The following GRID1 variants were observed in gnomAD, a reference collection of about 807,000 sequenced individuals.
GRID1 encodes glutamate receptor ionotropic, delta-1.
Under a neutral mutation model 98.0 loss-of-function variants are expected in GRID1, and 28 were observed. That is an observed-to-expected ratio of 0.29 (90% CI 0.21 to 0.39). The LOEUF (loss-of-function observed/expected upper bound fraction) is 0.39, where lower values mean the gene tolerates loss of function less well. Among genes scored for constraint, GRID1 ranks in the 10% least tolerant of loss-of-function variants. GRID1 has a pLI of 1.00. For missense variants in GRID1, 1,111 were observed against 1,340.5 expected (o/e 0.83, Z 2.67); for synonymous variants, 553 against 538.5 (o/e 1.03, Z -0.37).
chr10:86,085,639 A>C (rs190190762), intron 4 of GRID1, among the ~76,000 whole-genome samples: 10 of 152,226 alleles, frequency 6.6e-5, no homozygotes, highest in African/African-American at 2.4e-4. Context: ...GTCACAGGGA[A>C]CATCTCCTTT....
intron 8 of GRID1, among the ~76,000 whole-genome samples, chr10:85,787,734 GC>G (rs1428255022): frequency 6.6e-6 from 1 of 152,132 alleles, no homozygotes; most frequent in Non-Finnish European, 1.5e-5. Flanking sequence ...CCATCACCCA[GC>G]CGGCCTAAAT....
intron 8 of GRID1, among the ~76,000 whole-genome samples, chr10:85,804,740 A>T (rs1836125651): frequency 6.6e-6 from 1 of 151,940 alleles, no homozygotes; most frequent in East Asian, 1.9e-4. Context: ...TTACCATAAC[A>T]ATCACAGTAA....
chr10:85,957,841 G>A lies in GRID1; in HGVS notation c.727-41602C>T, dbSNP rs1842214789. Among the ~76,000 whole-genome samples, 3 of 152,320 alleles carry A rather than the reference G, an allele frequency of 2.0e-5. No homozygotes were observed. In the South Asian group the frequency reaches 6.2e-4, roughly 32 times the overall value. ...AAAGCTAGGCTGGGGATGTCTATAT[G>A]CCTGGTCTGGCTCCTCAGGGTGAAC... On this transcript the variant is annotated intron_variant, in intron 4 of 15. Coordinates refer to ENST00000327946, the MANE Select transcript of GRID1 (RefSeq NM_017551.3).
chr10:86,322,394 TTTGTTG>T (rs879420646), intron 2 of GRID1, among the ~76,000 whole-genome samples: 1 of 151,934 alleles, frequency 6.6e-6, no homozygotes, highest in Non-Finnish European at 1.5e-5. Context: ...AGAATTATGT[TTTGTTG>T]TTGTTGTTGT....
At chr10:86,252,899 T>C (rs890498017) in intron 2 of GRID1, among the ~76,000 whole-genome samples, 1 of 152,242 alleles carries the variant, frequency 6.6e-6, no homozygotes. Flanking sequence ...CTTTGCCACA[T>C]CTTTCATCCA....
intron 3 of GRID1, among the ~76,000 whole-genome samples, chr10:86,167,742 G>A (rs1247942170): frequency 6.6e-6 from 1 of 152,238 alleles, no homozygotes; most frequent in Non-Finnish European, 1.5e-5. Flanking sequence ...TAGAGACTCT[G>A]ATGTTAGACA....
At chr10:86,307,346 A>G (rs557942615) in intron 2 of GRID1, among the ~76,000 whole-genome samples, 13 of 152,358 alleles carry the variant, frequency 8.5e-5, no homozygotes, top group African/African-American at 3.1e-4. Flanking sequence ...TACATACACA[A>G]TGGAATTCAG....
In GRID1 at chr10:86,218,610, G is replaced by A. The variant is rs138330462; in HGVS notation, c.236-11962C>T. 5.9e-5 allele frequency among the ~76,000 whole-genome samples: 9 copies of A among 152,300 alleles called. No individual in the cohort carries two copies. In the East Asian group the frequency reaches 1.5e-3, roughly 26 times the overall value. On this transcript the variant is annotated intron_variant, in intron 2 of 15. Transcript: ENST00000327946. ...ATGCTGTGTCCTCATCTCTGCACCT[G>A]CTGTTCCCCTGCCAGAAGCTCACTG... is the stretch of plus-strand genomic sequence containing the variant.
At chr10:86,106,366 G>C (rs78478841) in intron 4 of GRID1, among the ~76,000 whole-genome samples, 5,023 of 152,038 alleles carry the variant, frequency 0.033, 187 homozygotes, top group South Asian at 0.17. Context: ...CAGGATGTTA[G>C]GTCAAAAAAG....
At chr10:86,043,734 AT>A (rs1843380462) in intron 4 of GRID1, among the ~76,000 whole-genome samples, 1 of 152,222 alleles carries the variant, frequency 6.6e-6, no homozygotes, top group Non-Finnish European at 1.5e-5. Context: ...ACTTTAACAA[AT>A]ACAGTTTCTT....
chr10:86,364,319 G>C (rs1179403457), intron 1 of GRID1, among the ~76,000 whole-genome samples: 1 of 152,136 alleles, frequency 6.6e-6, no homozygotes, highest in Non-Finnish European at 1.5e-5. Context: ...GCACACAGTT[G>C]ACATGAGTTA....
intron 8 of GRID1, among the ~76,000 whole-genome samples, chr10:85,748,501 AAAT>A (rs550680653): frequency 1.4e-3 from 218 of 152,298 alleles, no homozygotes; most frequent in African/African-American, 5.0e-3. Context: ...AGCAATATTA[AAAT>A]AATTATTATC....
chr10:86,138,968 A>G lies in GRID1; in HGVS notation c.577T>C (p.Ser193Pro). Residue 193 changes from serine (S) to proline (P), a missense_variant, in exon 4 of 16, where the codon TCT (serine) becomes CCT (proline). This residue lies in a region of GRID1 where 346 missense variants were observed against 452.3 expected (regional missense o/e 0.76). Coordinates refer to ENST00000327946, the MANE Select transcript of GRID1 (RefSeq NM_017551.3). ...DQASRLGLDV[S>P]LQKVDKNISH... Reference sequence around the variant, plus strand: ...ATGTTCTTGTCCACCTTTTGTAAAGAGACGTCAAGGCCCAGCCGCGAGGCC... The same window carrying G: ...ATGTTCTTGTCCACCTTTTGTAAAGGGACGTCAAGGCCCAGCCGCGAGGCC... The G allele has an allele frequency of 1.2e-6, 2 of 1,614,132 alleles. No individual in the cohort carries two copies. Among genetic ancestry groups the G allele is most frequent in the Non-Finnish European group, 1.7e-6 (2 of 1,179,958 alleles).
At chr10:85,687,068 A>C (rs1841277865) in intron 12 of GRID1, among the ~76,000 whole-genome samples, 1 of 152,212 alleles carries the variant, frequency 6.6e-6, no homozygotes, top group African/African-American at 2.4e-5. Context: ...GTGGAGATTA[A>C]AATACTTGAA....
chr10:86,353,319 C>A (rs936248994), intron 2 of GRID1, among the ~76,000 whole-genome samples: 2 of 152,214 alleles, frequency 1.3e-5, no homozygotes, highest in Non-Finnish European at 2.9e-5. Context: ...TCTGAGGGGG[C>A]CAGCGGAGCT....
At chr10:85,755,236 T>G (rs958335285) in intron 8 of GRID1, among the ~76,000 whole-genome samples, 1 of 152,174 alleles carries the variant, frequency 6.6e-6, no homozygotes. Context: ...CCCCCAAACC[T>G]AATGGCTTCA....
At chr10:86,077,752 A>G (rs1333491668) in intron 4 of GRID1, among the ~76,000 whole-genome samples, 1 of 152,236 alleles carries the variant, frequency 6.6e-6, no homozygotes, top group Non-Finnish European at 1.5e-5. Flanking sequence ...GGAGCTGGAT[A>G]TTAGGATGGG....
At chr10:85,837,621 C>T (rs771368385) in intron 8 of GRID1, among the ~76,000 whole-genome samples, 9 of 147,058 alleles carry the variant, frequency 6.1e-5, no homozygotes, top group Non-Finnish European at 1.2e-4. Context: ...TCAGAGTCAT[C>T]GAATAGGACA....
At chr10:85,706,975 A>G (rs1841527200) in intron 12 of GRID1, among the ~76,000 whole-genome samples, 1 of 152,240 alleles carries the variant, frequency 6.6e-6, no homozygotes, top group Non-Finnish European at 1.5e-5. Context: ...GATGGATTAA[A>G]GACTTAAATG....
Sources: allele counts gnomAD v4.1 joint callset (sites outside exome capture counted in the v4.1 genomes callset), GRCh38; gene constraint gnomAD v4.1.1; regional missense constraint gnomAD v4.1.1; transcripts MANE v1.5; gene names NCBI Gene and HGNC (gene_info 2026-07-23, HGNC 2026-07-21).